Variants in TMEM132C observed in about 807,000 individuals in gnomAD.
TMEM132C encodes transmembrane protein 132C.
TMEM132C carries 29 observed loss-of-function variants against 61.4 expected under a neutral mutation model. That is an observed-to-expected ratio of 0.47 (90% confidence interval 0.35 to 0.64). The LOEUF (loss-of-function observed/expected upper bound fraction) is 0.64. TMEM132C is among the 30% of genes least tolerant of loss of function. TMEM132C has a pLI of 0.00. For synonymous variants in TMEM132C, 656 were observed against 633.1 expected (o/e 1.04, Z -0.54); for missense variants, 1,408 against 1,476.9 (o/e 0.95, Z 0.76).
Position 128,578,978 on chromosome 12 carries a change from A to G in TMEM132C, c.1121+34875A>G, listed in dbSNP as rs79389609. Among the ~76,000 whole-genome samples the G allele has an allele frequency of 6.0e-3, 911 of 152,254 alleles. 7 individuals carry two copies. Among genetic ancestry groups the G allele is most frequent in the African/African-American group, 0.021 (867 of 41,560 alleles). ...AACATGACTCCAAATAGAGGTGACTAGGGGAGTTTTATTTTTAGGGGATTA... is the reference window on the plus strand; with the variant it reads ...AACATGACTCCAAATAGAGGTGACTGGGGGAGTTTTATTTTTAGGGGATTA... On this transcript the variant is annotated intron_variant, in intron 3 of 8. Coordinates refer to ENST00000435159, the MANE Select transcript of TMEM132C (RefSeq NM_001136103.3).
intron 3 of TMEM132C, among the ~76,000 whole-genome samples, chr12:128,571,694 A>G (rs1874890870): frequency 6.6e-6 from 1 of 152,222 alleles, no homozygotes; most frequent in Admixed American, 6.5e-5. Context: ...TTTCATGGTT[A>G]TAGGAGACAG....
chr12:128,310,741 C>T (rs988380936), intron 1 of TMEM132C, among the ~76,000 whole-genome samples: 4 of 152,028 alleles, frequency 2.6e-5, no homozygotes, highest in Non-Finnish European at 4.4e-5. Context: ...CTATATCTAC[C>T]AGTGGGGATG....
intron 1 of TMEM132C, among the ~76,000 whole-genome samples, chr12:128,352,544 G>C (rs1389644170): frequency 6.6e-6 from 1 of 152,122 alleles, no homozygotes; most frequent in Non-Finnish European, 1.5e-5. Flanking sequence ...AAAACATCCA[G>C]ACACAACAAA....
rs572724491 is a variant in TMEM132C, at chr12:128,312,139, G to A, written c.85+44652G>A. ...TCTCAGTTCTGCTTTCTTCTGGGGT[G>A]CCTTCTGTGGGTGTGAATATTGTTC... On this transcript the variant is annotated intron_variant, in intron 1 of 8. Transcript: ENST00000435159. Among the ~76,000 whole-genome samples the A allele has an allele frequency of 4.6e-4, 70 of 152,258 alleles. 1 individual carries two copies. Among genetic ancestry groups the A allele is most frequent in the African/African-American group, 1.7e-3 (70 of 41,550 alleles).
chr12:128,521,221 A>C (rs1009772036), intron 2 of TMEM132C, among the ~76,000 whole-genome samples: 2 of 152,108 alleles, frequency 1.3e-5, no homozygotes, highest in Non-Finnish European at 2.9e-5. Flanking sequence ...TCTCTGTTCT[A>C]AGAGACAGAA....
chr12:128,343,196 C>G (rs186442542), intron 1 of TMEM132C, among the ~76,000 whole-genome samples: 1 of 152,062 alleles, frequency 6.6e-6, no homozygotes, highest in Non-Finnish European at 1.5e-5. Context: ...GAGGCCGAGA[C>G]GGGTGGATCA....
At chr12:128,473,344 T>TA (rs1871030520) in intron 2 of TMEM132C, among the ~76,000 whole-genome samples, 1 of 68,942 alleles carries the variant, frequency 1.5e-5, no homozygotes, top group African/African-American at 5.6e-5. Flanking sequence ...TCCAGCCTCC[T>TA]TCTTCATCTT....
chr12:128,418,353 G>A (rs747346166), intron 2 of TMEM132C, among the ~76,000 whole-genome samples: 10 of 152,234 alleles, frequency 6.6e-5, no homozygotes, highest in East Asian at 1.9e-4. Flanking sequence ...TACGGACGGC[G>A]TACACATTTC....
At chr12:128,587,177 C>T (rs1875579639) in intron 3 of TMEM132C, among the ~76,000 whole-genome samples, 1 of 152,220 alleles carries the variant, frequency 6.6e-6, no homozygotes, top group Non-Finnish European at 1.5e-5. Flanking sequence ...CAAAGTATTA[C>T]ATAAGATGGT....
At chr12:128,601,669 G>A (rs57317093) in intron 3 of TMEM132C, among the ~76,000 whole-genome samples, 2,154 of 149,506 alleles carry the variant, frequency 0.014, 61 homozygotes, top group African/African-American at 0.049. Context: ...GGCGCTTGGC[G>A]GGTTGGAGTC....
At chr12:128,416,175 C>T (rs1479977463) in intron 2 of TMEM132C, among the ~76,000 whole-genome samples, 6 of 152,162 alleles carry the variant, frequency 3.9e-5, no homozygotes, top group Admixed American at 6.5e-5. Context: ...TAAAACTCTT[C>T]AGCAAAGGTA....
intron 1 of TMEM132C, among the ~76,000 whole-genome samples, chr12:128,269,714 C>T (rs1375796716): frequency 6.6e-6 from 1 of 152,086 alleles, no homozygotes; most frequent in Non-Finnish European, 1.5e-5. Flanking sequence ...TGATCAAAAG[C>T]AGCAGTTCAT....
At chr12:128,573,758 A>G (rs1874988105) in intron 3 of TMEM132C, among the ~76,000 whole-genome samples, 1 of 152,144 alleles carries the variant, frequency 6.6e-6, no homozygotes, top group South Asian at 2.1e-4. Context: ...GGGAGGATGA[A>G]AAAGTTCTTG....
At chr12:128,697,565 T>C in intron 8 of TMEM132C, 150 bp downstream of exon 8, 2 of 850,026 alleles carry the variant, frequency 2.4e-6, no homozygotes, top group South Asian at 2.1e-5. Flanking sequence ...AAAGTGCTCA[T>C]GTTACCCACA....
At chr12:128,276,752 A>C (rs1339271853) in intron 1 of TMEM132C, among the ~76,000 whole-genome samples, 1 of 152,190 alleles carries the variant, frequency 6.6e-6, no homozygotes, top group African/African-American at 2.4e-5. Flanking sequence ...AATGTGGATC[A>C]AATGCTGGCC....
chr12:128,522,745 AG>A (rs1261152244), intron 2 of TMEM132C, among the ~76,000 whole-genome samples: 1 of 152,216 alleles, frequency 6.6e-6, no homozygotes, highest in Non-Finnish European at 1.5e-5. Flanking sequence ...AGCTGGGCCA[AG>A]TCTTTGTTTG....
Position 128,416,417 on chromosome 12 carries a change from A to G in TMEM132C, c.974+797A>G, listed in dbSNP as rs2136023165. Among the ~76,000 whole-genome samples the G allele has an allele frequency of 2.0e-5, 3 of 152,376 alleles. 1 individual carries two copies. In the Middle Eastern group the frequency reaches 0.01, roughly 518 times the overall value. On this transcript the variant is annotated intron_variant, in intron 2 of 8. Coordinates refer to ENST00000435159, the MANE Select transcript of TMEM132C (RefSeq NM_001136103.3). ...GTGTACTAGAATGTCATAATAATGA[A>G]AGAAGTATTTGTTTTAAATTTGTTT...
chr12:128,480,959 G>T (rs1039172173), intron 2 of TMEM132C, among the ~76,000 whole-genome samples: 1 of 152,202 alleles, frequency 6.6e-6, no homozygotes, highest in African/African-American at 2.4e-5. Context: ...TTGTCTCCCA[G>T]CTCCTCACAG....
At chr12:128,360,280 A>ACT (rs1242737598) in intron 1 of TMEM132C, among the ~76,000 whole-genome samples, 5 of 146,332 alleles carry the variant, frequency 3.4e-5, no homozygotes, top group African/African-American at 1.3e-4. Context: ...ACACACACAC[A>ACT]CCCCAGGATA....
Sources: gnomAD v4.1 joint callset for allele counts (sites outside exome capture counted in the v4.1 genomes callset) on GRCh38, gnomAD v4.1.1 for gene constraint, MANE v1.5 for transcripts, NCBI Gene and HGNC (gene_info 2026-07-23, HGNC 2026-07-21) for gene names.